FHDC1: variants seen among roughly 807,000 people sequenced by gnomAD.
FHDC1 encodes the protein FH2 domain-containing protein 1.
Under a neutral mutation model 52.6 loss-of-function variants are expected in FHDC1, and 25 were observed. That is an observed-to-expected ratio of 0.48 (90% confidence interval 0.35 to 0.66). The LOEUF (loss-of-function observed/expected upper bound fraction) is 0.66, where lower values mean the gene tolerates loss of function less well. FHDC1 is among the 30% of genes least tolerant of loss of function. The pLI, the probability that FHDC1 is intolerant of heterozygous loss-of-function variation, is 0.01. For synonymous variants in FHDC1, 616 were observed against 581.5 expected, an observed-to-expected ratio of 1.06 and a Z score of -0.85; for missense variants, 1,459 against 1,452.8, an observed-to-expected ratio of 1.00 and a Z score of -0.07.
rs1301059890 is a variant in FHDC1 at position 152,976,083 on chromosome 4, C to G, written c.2792C>G (p.Pro931Arg). Residue 931 changes from proline (P) to arginine (R), a missense_variant, in exon 12 of 12, where the codon CCC becomes CGC. Physicochemically the swap from Pro to Arg is moderately radical, Grantham distance 103. Around this residue, in one of 3 missense-constraint regions of FHDC1, gnomAD observed 939 missense variants for 854.5 expected, o/e 1.10. Transcript: ENST00000511601. ...ELSSRGPSQN[P>R]PSSTDTVWSR... ...TCATCCCGGGGGCCCTCCCAGAATC[C>G]CCCCAGCAGCACAGATACTGTGTGG... The G allele has an allele frequency of 6.2e-7, 1 of 1,605,080 alleles. No individual in the cohort carries two copies. Among genetic ancestry groups the G allele is most frequent in the Non-Finnish European group, 8.5e-7 (1 of 1,176,358 alleles).
At chr4:152,934,736 A>G (rs1739318372), upstream of FHDC1, among the ~76,000 whole-genome samples, 2 of 152,208 alleles carry the variant, frequency 1.3e-5, 1 homozygote, top group South Asian at 4.1e-4. Context: ...TTAGGGTAGG[A>G]TGCTGCCAAG....
intron 9 of FHDC1, among the ~76,000 whole-genome samples, chr4:152,967,317 C>T (rs1740494268): frequency 1.3e-5 from 2 of 152,106 alleles, no homozygotes; most frequent in Non-Finnish European, 2.9e-5. Flanking sequence ...ATCCCAACTA[C>T]TCTGGAGGCT....
At chr4:152,926,199 A>C in the FHDC1 span, among the ~76,000 whole-genome samples, 1 of 151,908 alleles carries the variant, frequency 6.6e-6, no homozygotes, top group Non-Finnish European at 1.5e-5. Flanking sequence ...AAAACTTGAT[A>C]AAAACAAACA....
At position 152,964,777 on chromosome 4, in the gene FHDC1, G is replaced by A. The variant is rs1740409097; in HGVS notation, c.1030-128G>A. 4 of 704,776 alleles carry A rather than the reference G, an allele frequency of 5.7e-6. No homozygotes were observed. The Admixed American group carries it at 1.1e-4, about 19-fold the overall frequency. 43.7% of individuals were successfully genotyped at this position (704,776 alleles called of 1,614,324 possible). A position where few individuals can be genotyped will look rare whatever the true frequency, so the allele number is the denominator to read the frequency against. On this transcript the variant is annotated intron_variant, in intron 8 of 11. Transcript: ENST00000511601. ...TAAGAGTATCAGAGTTCATGTCTCA[G>A]TGAAATGCTTTGAATGTGTCAAGTT...
chr4:152,915,072 CTA>C, the FHDC1 span, among the ~76,000 whole-genome samples: 1 of 152,058 alleles, frequency 6.6e-6, no homozygotes. Context: ...ATTTCTGATT[CTA>C]TGTTAGGAAG....
Position 152,943,480 on chromosome 4 carries a change from G to A in FHDC1, c.423G>A (p.Gln141=). ...TKTIEELFGQ[Q]EDTTKSSLPR... ...CCATTGAGGAGCTCTTTGGGCAGCA[G>A]GAAGACACCACCAAGTCTTCCCTTC... The change falls in exon 2 of 12, where the codon CAG becomes CAA. Residue 141 remains glutamine (Q), a synonymous_variant. Transcript: ENST00000511601. 1.9e-6 allele frequency: 3 copies of A among 1,614,104 alleles called. No individual in the cohort carries two copies. Among genetic ancestry groups the A allele is most frequent in the Admixed American group, 1.7e-5 (1 of 60,020 alleles).
In FHDC1 at chr4:152,975,283, G is replaced by A. The variant is rs1478537393; in HGVS notation, c.1992G>A (p.Ser664=). Residue 664 remains serine, a synonymous_variant, in exon 12 of 12, where the codon TCG becomes TCA. Transcript: ENST00000511601. ...GCTCAGCACAGTCCCCTCCTCTCTCGCCATTGGCTCTGGGAATTAAGGAGC... is the reference window on the plus strand; with the variant it reads ...GCTCAGCACAGTCCCCTCCTCTCTCACCATTGGCTCTGGGAATTAAGGAGC... ...SLGSAQSPPL[S]PLALGIKEHE... is the part of the protein sequence containing the mutation. 11 of 1,613,590 alleles carry A rather than the reference G, an allele frequency of 6.8e-6. No homozygotes were observed. The highest frequency in any genetic ancestry group is 1.6e-4 in the Middle Eastern group (1 of 6,062).
At chr4:152,954,400 T>C (rs978701253) in intron 4 of FHDC1, 81 bp downstream of exon 4, 10 of 1,197,984 alleles carry the variant, frequency 8.3e-6, no homozygotes, top group Non-Finnish European at 1.1e-5. Flanking sequence ...AAAGCTCACA[T>C]GGAAGGCCAG....
chr4:152,930,895 C>G, the FHDC1 span, among the ~76,000 whole-genome samples: 1 of 150,786 alleles, frequency 6.6e-6, no homozygotes, highest in African/African-American at 2.4e-5. Flanking sequence ...CCAACATGTC[C>G]CTTTGCCCAT....
chr4:152,939,349 T>C (rs1262290066), intron 1 of FHDC1, among the ~76,000 whole-genome samples: 3 of 152,064 alleles, frequency 2.0e-5, no homozygotes, highest in Non-Finnish European at 4.4e-5. Context: ...TTGGACAGGA[T>C]AGTCTTGATC....
the FHDC1 span, among the ~76,000 whole-genome samples, chr4:152,913,838 G>A: frequency 3.3e-5 from 5 of 151,926 alleles, no homozygotes; most frequent in African/African-American, 4.8e-5. Flanking sequence ...GCGCCACCAC[G>A]CCTGGCTTAT....
At chr4:152,954,369 C>G in intron 4 of FHDC1, 50 bp downstream of exon 4, 1 of 1,495,720 alleles carries the variant, frequency 6.7e-7, no homozygotes, top group South Asian at 1.1e-5. Flanking sequence ...ATCATAAAAG[C>G]TTAATATTTT....
At chr4:152,957,260 G>A (rs1302385658) in intron 4 of FHDC1, among the ~76,000 whole-genome samples, 1 of 152,194 alleles carries the variant, frequency 6.6e-6, no homozygotes, top group Non-Finnish European at 1.5e-5. Context: ...GTGCCCCCAT[G>A]TACCAGGCAC....
intron 2 of FHDC1, among the ~76,000 whole-genome samples, chr4:152,952,803 C>A (rs929885466): frequency 7.9e-5 from 12 of 152,126 alleles, no homozygotes; most frequent in African/African-American, 2.9e-4. Flanking sequence ...GGGGCTGCAT[C>A]CTAAAAACCC....
intron 2 of FHDC1, among the ~76,000 whole-genome samples, chr4:152,950,268 G>A (rs1405117528): frequency 2.6e-5 from 4 of 152,200 alleles, no homozygotes; most frequent in Admixed American, 6.5e-5. Flanking sequence ...TACATGTGCA[G>A]TGATAACCCT....
the FHDC1 span, among the ~76,000 whole-genome samples, chr4:152,918,652 G>GT: frequency 1.3e-5 from 2 of 152,174 alleles, no homozygotes; most frequent in Non-Finnish European, 2.9e-5. Context: ...TTCCCAAACT[G>GT]TGTCAAAGCT....
At chr4:152,912,618 C>G in the FHDC1 span, among the ~76,000 whole-genome samples, 1 of 151,964 alleles carries the variant, frequency 6.6e-6, no homozygotes, top group Non-Finnish European at 1.5e-5. Context: ...ATTTTTTAAG[C>G]CAGTGCTGTA....
intron 4 of FHDC1, among the ~76,000 whole-genome samples, chr4:152,960,006 G>A (rs1740227003): frequency 6.6e-6 from 1 of 152,162 alleles, no homozygotes. Context: ...GTACTCACCT[G>A]AAGACACAAT....
intron 9 of FHDC1, among the ~76,000 whole-genome samples, chr4:152,965,689 G>A (rs902136674): frequency 1.3e-5 from 2 of 152,164 alleles, no homozygotes; most frequent in Non-Finnish European, 2.9e-5. Flanking sequence ...GCTGATTTCC[G>A]TGTTGTAAAT....
Sources: gnomAD v4.1 joint callset for allele counts (sites outside exome capture counted in the v4.1 genomes callset) on GRCh38, gnomAD v4.1.1 for gene constraint, gnomAD v4.1.1 regional missense constraint, MANE v1.5 for transcripts, NCBI Gene and HGNC (gene_info 2026-07-23, HGNC 2026-07-21) for gene names.